TMEM143: variants seen among roughly 807,000 people sequenced by gnomAD.
The protein encoded by TMEM143 is transmembrane protein 143.
In TMEM143, 45 loss-of-function variants were observed where a neutral mutation model predicts 40.3. That is an observed-to-expected ratio of 1.12 (90% CI 0.88 to 1.43). The LOEUF (loss-of-function observed/expected upper bound fraction) is 1.43. Ranked by LOEUF, TMEM143 falls within the 40% of genes most tolerant of loss-of-function variation. The probability of loss-of-function intolerance (pLI) is 0.00; values close to 1 mark genes in which losing one functional copy is unlikely to be tolerated. For missense variants in TMEM143, 620 were observed against 613.4 expected, an observed-to-expected ratio of 1.01 and a Z score of -0.11; for synonymous variants, 299 against 282.7, an observed-to-expected ratio of 1.06 and a Z score of -0.58.
chr19:48,361,090 G>T (rs930939133), intron 2 of TMEM143, among the ~76,000 whole-genome samples: 4 of 152,008 alleles, frequency 2.6e-5, no homozygotes, highest in Non-Finnish European at 5.9e-5. Context: ...AAGGTTGATG[G>T]AATTATAACT....
chr19:48,344,703 G>A (rs1336893403), intron 4 of TMEM143, among the ~76,000 whole-genome samples: 1 of 151,974 alleles, frequency 6.6e-6, no homozygotes, highest in Non-Finnish European at 1.5e-5. Context: ...ACCTGAGACA[G>A]CAGCACCTCC....
At chr19:48,348,777 C>T (rs1269089028) in intron 3 of TMEM143, among the ~76,000 whole-genome samples, 1 of 152,158 alleles carries the variant, frequency 6.6e-6, no homozygotes, top group Admixed American at 6.6e-5. Flanking sequence ...CTAAAACCCT[C>T]CCAAGGCTTC....
chr19:48,356,123 C>CT (rs1350695094), intron 3 of TMEM143, among the ~76,000 whole-genome samples: 1,980 of 143,984 alleles, frequency 0.014, 41 homozygotes, highest in African/African-American at 0.044. Context: ...CTTTTTTTTT[C>CT]TTTTTTTTTT....
chr19:48,348,739 T>C (rs1384909404), intron 3 of TMEM143, among the ~76,000 whole-genome samples: 1 of 152,168 alleles, frequency 6.6e-6, no homozygotes, highest in Non-Finnish European at 1.5e-5. Context: ...GTAACCAGAA[T>C]GACACATTTG....
chr19:48,340,661 A>C (rs1969468151), intron 6 of TMEM143, among the ~76,000 whole-genome samples: 1 of 151,894 alleles, frequency 6.6e-6, no homozygotes. Context: ...GTGGGCTGGG[A>C]CTCAGTGTCT....
In TMEM143 at chr19:48,333,731, T is replaced by C. The variant is rs1246502277; in HGVS notation, c.1165+277A>G. Among the ~76,000 whole-genome samples the C allele has an allele frequency of 6.6e-6, 1 of 151,778 alleles. No homozygotes were observed. The highest frequency in any genetic ancestry group is 1.9e-4 in the East Asian group (1 of 5,146). On this transcript the variant is annotated intron_variant, in intron 7 of 7. Transcript: ENST00000293261. This position sits in a 1 kb window ranked among gnomAD's most constrained non-coding sequence, Gnocchi z 4.1. ...CACACAGGGAGCGCGCAGGATCTCT[T>C]GTAGGGAGAGTGTCAGCTCAGGTAG...
In TMEM143 at chr19:48,343,427, C is replaced by A; in HGVS notation, c.589G>T (p.Val197Phe). Residue 197 changes from valine (V) to phenylalanine (F), a missense_variant, in exon 5 of 8, where the codon GTC (valine) becomes TTC (phenylalanine). Coordinates refer to ENST00000293261, the MANE Select transcript of TMEM143 (RefSeq NM_018273.4). Reference protein sequence around the residue: ...VQVTVNLDQYVYIHFWALGQR... With the variant: ...VQVTVNLDQYFYIHFWALGQR... ...CCCAGGGCCCAGAAGTGAATGTAGA[C>A]ATACTGATCCAAATTTACTGTCACC... 6.3e-7 allele frequency: 1 copy of A among 1,583,878 alleles called. No homozygotes were observed. The highest frequency in any genetic ancestry group is 8.6e-7 in the Non-Finnish European group (1 of 1,164,566).
At chr19:48,363,739 G>T (rs991455695) in intron 1 of TMEM143, 159 bp downstream of exon 1, 1 of 1,411,476 alleles carries the variant, frequency 7.1e-7, no homozygotes. Flanking sequence ...TTAGGTTCTG[G>T]GGCGTTTTTC....
chr19:48,358,568 C>T (rs146678958), intron 3 of TMEM143, among the ~76,000 whole-genome samples: 1,790 of 152,114 alleles, frequency 0.012, 19 homozygotes, highest in Non-Finnish European at 0.016. Context: ...CTGCTGGAGA[C>T]GCACCCCTAC....
intron 3 of TMEM143, among the ~76,000 whole-genome samples, chr19:48,348,505 G>C (rs960595774): frequency 2.0e-5 from 3 of 152,114 alleles, no homozygotes; most frequent in Admixed American, 2.0e-4. Context: ...CTGCCAATCG[G>C]TTCTTTACAC....
At chr19:48,342,935 A>C in intron 5 of TMEM143, 126 bp from the exon 6 acceptor site, 1 of 1,186,446 alleles carries the variant, frequency 8.4e-7, no homozygotes, top group Non-Finnish European at 1.2e-6. Flanking sequence ...CTCAGTAATC[A>C]TGGGGAAGAA....
intron 4 of TMEM143, 70 bp downstream of exon 4, chr19:48,345,090 A>G: frequency 1.3e-6 from 2 of 1,526,678 alleles, no homozygotes; most frequent in African/African-American, 2.8e-5. Flanking sequence ...CCAGCAGCCC[A>G]TGCCTCTCAG....
Position 48,333,327 on chromosome 19 carries a change from C to G in TMEM143, c.1272G>C (p.Leu424=). 1 of 1,608,692 alleles carries G rather than the reference C, an allele frequency of 6.2e-7. No individual in the cohort carries two copies. The highest frequency in any genetic ancestry group is 8.5e-7 in the Non-Finnish European group (1 of 1,176,268). ...GTGGGTACAATCCCATGCTGGGGGT[C>G]AGGGCCTGCAGATGCGCCAGGGCCC... ...GTRALAHLQA[L]TPSMGLYPPP... is the part of the protein sequence containing the mutation. The change falls in exon 8 of 8, where the codon CTG becomes CTC. Residue 424 remains leucine (L), a synonymous_variant. Coordinates refer to ENST00000293261, the MANE Select transcript of TMEM143 (RefSeq NM_018273.4). This position sits in a 1 kb window ranked among gnomAD's most constrained non-coding sequence, Gnocchi z 4.1.
intron 3 of TMEM143, among the ~76,000 whole-genome samples, chr19:48,355,151 C>CA (rs1969858267): frequency 6.6e-6 from 1 of 151,990 alleles, no homozygotes; most frequent in Non-Finnish European, 1.5e-5. Flanking sequence ...TCTCATGCCT[C>CA]AGCTTCCTGA....
intron 6 of TMEM143, among the ~76,000 whole-genome samples, chr19:48,338,608 A>T (rs78786186): frequency 0.01 from 1,566 of 152,362 alleles, 25 homozygotes; most frequent in African/African-American, 0.036. Flanking sequence ...GCGGACGAGC[A>T]GATGCAGCCT....
rs371776234 is a variant in TMEM143 at position 48,342,599 on chromosome 19, G to T, written c.906C>A (p.Thr302=). 3 of 1,612,762 alleles carry T rather than the reference G, an allele frequency of 1.9e-6. No individual in the cohort carries two copies. The highest frequency in any genetic ancestry group is 2.7e-5 in the African/African-American group (2 of 74,928). Residue 302 remains threonine (T), a synonymous_variant, in exon 6 of 8, where the codon ACC becomes ACA. Coordinates refer to ENST00000293261, the MANE Select transcript of TMEM143 (RefSeq NM_018273.4). The part of the protein sequence containing the change: ...IFVNVGMVVL[T]DLKVATSLLL... ...GCAGGGAGGTGGCCACCTTGAGGTC[G>T]GTTAGCACCACCATGCCCACGTTGA...
At chr19:48,335,972 C>CT (rs1969357697) in intron 6 of TMEM143, among the ~76,000 whole-genome samples, 1 of 152,160 alleles carries the variant, frequency 6.6e-6, no homozygotes, top group Non-Finnish European at 1.5e-5. Flanking sequence ...CTGGGCCCAG[C>CT]TGTCTACTGG....
chr19:48,338,077 C>G (rs981748909), intron 6 of TMEM143, among the ~76,000 whole-genome samples: 2 of 152,118 alleles, frequency 1.3e-5, no homozygotes, highest in Admixed American at 1.3e-4. Flanking sequence ...CTCCTCCTAC[C>G]CTGGGGTCTA....
chr19:48,333,144 G>T lies in TMEM143; in HGVS notation c.*75C>A. 8.5e-7 allele frequency: 1 copy of T among 1,178,368 alleles called. No individual in the cohort carries two copies. The highest frequency in any genetic ancestry group is 1.1e-6 in the Non-Finnish European group (1 of 873,538). The allele number at this position is 1,178,368 out of a possible 1,614,324, so 73.0% of individuals were successfully genotyped here. A position where few individuals can be genotyped will look rare whatever the true frequency, so the allele number is the denominator to read the frequency against. On this transcript the variant is annotated 3_prime_UTR_variant, in exon 8 of 8. Coordinates refer to ENST00000293261, the MANE Select transcript of TMEM143 (RefSeq NM_018273.4). The surrounding 1 kb of genome is among the most constrained non-coding windows in gnomAD (Gnocchi z 4.1). ...AGTTGGAGTGAAAAGTATAATAACC[G>T]TAATTGACAGCCTGTCGTGAAGGAG... is the stretch of plus-strand genomic sequence containing the variant.
Sources: gnomAD v4.1 joint callset for allele counts (sites outside exome capture counted in the v4.1 genomes callset) on GRCh38, gnomAD v4.1.1 for gene constraint, Gnocchi (gnomAD v3.1) non-coding constraint, MANE v1.5 for transcripts, NCBI Gene and HGNC (gene_info 2026-07-23, HGNC 2026-07-21) for gene names.